The following PRRC2A variants were observed in gnomAD, a reference collection of about 807,000 sequenced individuals.
PRRC2A encodes the protein proline rich coiled-coil 2A, also known as protein PRRC2A.
In PRRC2A, 59 loss-of-function variants were observed where a neutral mutation model predicts 224.6. The ratio of observed to expected loss-of-function variants is 0.26; its 90% CI spans 0.21 to 0.33. PRRC2A has a LOEUF of 0.33. PRRC2A is among the 10% of genes least tolerant of loss of function. The pLI, the probability that PRRC2A is intolerant of heterozygous loss-of-function variation, is 1.00. For missense variants in PRRC2A, 3,095 were observed against 2,880.7 expected, an observed-to-expected ratio of 1.07 and a Z score of -1.70; for synonymous variants, 1,194 against 1,109.5, an observed-to-expected ratio of 1.08 and a Z score of -1.51.
At position 31,629,236 on chromosome 6, in the gene PRRC2A, G is replaced by A. The variant is rs1325818988; in HGVS notation, c.1858G>A (p.Gly620Ser). The A allele has an allele frequency of 1.9e-6, 3 of 1,614,036 alleles. No individual in the cohort carries two copies. The highest frequency in any genetic ancestry group is 3.3e-5 in the Admixed American group (2 of 60,010). The change falls in exon 13 of 31, where the codon GGT becomes AGT. Residue 620 changes from glycine to serine, a missense_variant. Physicochemically the swap from Gly to Ser is moderately conservative, Grantham distance 56. This residue lies in a region of PRRC2A where 2,001 missense variants were observed against 1,764.9 expected (regional missense o/e 1.13). Coordinates refer to ENST00000376033, the MANE Select transcript of PRRC2A (RefSeq NM_004638.4). ...TPPVPKVEPKGDGIGPTRQPP... is the reference protein window; with the variant it reads ...TPPVPKVEPKSDGIGPTRQPP... ...CCCAGTTCCAAAGGTGGAACCCAAG[G>A]GTGATGGGATTGGTCCCACCCGCCA... is the stretch of plus-strand genomic sequence containing the variant.
intron 2 of PRRC2A, 121 bp downstream of exon 2, chr6:31,623,022 C>T: frequency 1.1e-6 from 1 of 891,298 alleles, no homozygotes; most frequent in Non-Finnish European, 1.9e-6. Flanking sequence ...GAGGAGATTT[C>T]CCAACTTTAC....
rs777237044 is a variant in PRRC2A, at chr6:31,627,165, C to T, written c.1257C>T (p.Pro419=). ...KPPLPPPHRG[P]AGNWGPPGDY... ...CCCTACCCCCACCTCACCGGGGCCC[C>T]GCCGGGAACTGGGGCCCCCCTGGGG... Residue 419 remains proline, a synonymous_variant, in exon 11 of 31, where the codon CCC becomes CCT. Coordinates refer to ENST00000376033, the MANE Select transcript of PRRC2A (RefSeq NM_004638.4). This position sits in a 1 kb window ranked among gnomAD's most constrained non-coding sequence, Gnocchi z 5.6. 65 of 1,612,938 alleles carry T rather than the reference C, an allele frequency of 4.0e-5. No homozygotes were observed. Among genetic ancestry groups the T allele is most frequent in the South Asian group, 4.4e-5 (4 of 91,062 alleles).
At position 31,637,220 on chromosome 6, in the gene PRRC2A, C is replaced by T; in HGVS notation, c.6243-14C>T. ...TGGATCCTAGGCTTGCCTTAGACGC[C>T]CTTCTTCCCTTAGGTCCTTCTCTGG... is the stretch of plus-strand genomic sequence containing the variant. On this transcript the variant is annotated splice_polypyrimidine_tract_variant and intron_variant, in intron 29 of 30. Coordinates refer to ENST00000376033, the MANE Select transcript of PRRC2A (RefSeq NM_004638.4). 2 of 1,608,132 alleles carry T rather than the reference C, an allele frequency of 1.2e-6. No individual in the cohort carries two copies. The highest frequency in any genetic ancestry group is 1.3e-5 in the African/African-American group (1 of 74,884).
At chr6:31,629,949 A>T in intron 14 of PRRC2A, 104 bp downstream of exon 14, 1 of 1,528,114 alleles carries the variant, frequency 6.5e-7, no homozygotes, top group Non-Finnish European at 8.8e-7. Context: ...TTTGCCCATC[A>T]TAGTGATGAG....
Position 31,631,355 on chromosome 6 carries a change from G to T in PRRC2A, c.2682G>T (p.Thr894=), listed in dbSNP as rs369126036. ...CTAAGGAGGAGACTGCACAGCTGAC[G>T]GGGCCAGAAGCAGGCCGAAAGCCTG... ...EPPKEETAQL[T]GPEAGRKPAR... Residue 894 remains threonine (T), a synonymous_variant, in exon 16 of 31, where the codon ACG becomes ACT. Coordinates refer to ENST00000376033, the MANE Select transcript of PRRC2A (RefSeq NM_004638.4). The surrounding 1 kb of genome is among the most constrained non-coding windows in gnomAD (Gnocchi z 4.5). 1.9e-6 allele frequency: 3 copies of T among 1,602,086 alleles called. No individual in the cohort carries two copies. The highest frequency in any genetic ancestry group is 1.7e-4 in the Middle Eastern group (1 of 5,992).
Position 31,633,558 on chromosome 6 carries a change from A to T in PRRC2A, c.4499A>T (p.Lys1500Met), listed in dbSNP as rs1177332112. Residue 1500 changes from lysine (K) to methionine (M), a missense_variant, in exon 17 of 31, where the codon AAG (lysine) becomes ATG (methionine). Coordinates refer to ENST00000376033, the MANE Select transcript of PRRC2A (RefSeq NM_004638.4). ...VTAPGGHPRHKPGLPQAPQGP... is the reference protein window; with the variant it reads ...VTAPGGHPRHMPGLPQAPQGP... ...GCACCAGGGGGTCATCCAAGGCACA[A>T]GCCTGGGCTTCCCCAAGCCCCTCAG... 6.2e-7 allele frequency: 1 copy of T among 1,612,894 alleles called. No homozygotes were observed. Among genetic ancestry groups the T allele is most frequent in the Non-Finnish European group, 8.5e-7 (1 of 1,179,952 alleles).
intron 12 of PRRC2A, 87 bp from the exon 13 acceptor site, chr6:31,629,057 G>A (rs1181221165): frequency 2.2e-6 from 3 of 1,337,670 alleles, no homozygotes; most frequent in Non-Finnish European, 3.2e-6. Context: ...TCTTAAGGGA[G>A]CTAGAGATGA....
intron 12 of PRRC2A, 157 bp from the exon 13 acceptor site, chr6:31,628,987 T>C (rs1204414721): frequency 2.7e-6 from 2 of 743,452 alleles, no homozygotes; most frequent in Non-Finnish European, 4.5e-6. Flanking sequence ...CATGAAGTGC[T>C]TTAATGGGTC....
chr6:31,631,360 C>T lies in PRRC2A; in HGVS notation c.2687C>T (p.Pro896Leu). ...GAGGAGACTGCACAGCTGACGGGGC[C>T]AGAAGCAGGCCGAAAGCCTGCCCGC... Reference protein sequence around the residue: ...PKEETAQLTGPEAGRKPARGV... With the variant: ...PKEETAQLTGLEAGRKPARGV... Residue 896 changes from proline to leucine, a missense_variant, in exon 16 of 31, where the codon CCA becomes CTA. Transcript: ENST00000376033. This position sits in a 1 kb window ranked among gnomAD's most constrained non-coding sequence, Gnocchi z 4.5. The T allele has an allele frequency of 6.2e-7, 1 of 1,602,722 alleles. No homozygotes were observed. Among genetic ancestry groups the T allele is most frequent in the Non-Finnish European group, 8.5e-7 (1 of 1,175,888 alleles).
Position 31,636,938 on chromosome 6 carries a change from G to A in PRRC2A, c.6140G>A (p.Arg2047Gln), listed in dbSNP as rs760201975. The A allele has an allele frequency of 8.1e-6, 13 of 1,612,778 alleles. No individual in the cohort carries two copies. Among genetic ancestry groups the A allele is most frequent in the South Asian group, 4.4e-5 (4 of 91,054 alleles). The part of the protein sequence containing the change: ...PARPFPASLG[R>Q]AELHPVELKP... ...AGGCCCTTCCCCGCTAGCTTGGGGC[G>A]AGCAGAGGTAAGGTACAGGAACTGA... Residue 2047 changes from arginine (R) to glutamine (Q), a missense_variant, in exon 28 of 31, where the codon CGA becomes CAA. By Grantham distance (43) the Arg-to-Gln change is conservative. Around this residue, in one of 8 missense-constraint regions of PRRC2A, gnomAD observed 662 missense variants for 609.5 expected, o/e 1.09. Coordinates refer to ENST00000376033, the MANE Select transcript of PRRC2A (RefSeq NM_004638.4). The surrounding 1 kb of genome is among the most constrained non-coding windows in gnomAD (Gnocchi z 4.3).
At position 31,626,064 on chromosome 6, in the gene PRRC2A, T is replaced by C. The variant is rs752850507; in HGVS notation, c.884T>C (p.Met295Thr). Residue 295 changes from methionine to threonine, a missense_variant, in exon 9 of 31, where the codon ATG becomes ACG. By Grantham distance (81) the Met-to-Thr change is moderately conservative (BLOSUM62 -1). Transcript: ENST00000376033. ...GGCCCCCGAGGCTCAGGGCCACCAA[T>C]GCGCTTAGTAGAGCCTGTGGGTCGT... is the stretch of plus-strand genomic sequence containing the variant. Reference protein sequence around the residue: ...VAGPRGSGPPMRLVEPVGRPS... With the variant: ...VAGPRGSGPPTRLVEPVGRPS... 7.4e-6 allele frequency: 12 copies of C among 1,612,164 alleles called. No homozygotes were observed. The highest frequency in any genetic ancestry group is 2.2e-5 in the South Asian group (2 of 91,022).
At position 31,631,394 on chromosome 6, in the gene PRRC2A, G is replaced by A. The variant is rs946627426; in HGVS notation, c.2721G>A (p.Gly907=). The A allele has an allele frequency of 5.0e-6, 8 of 1,607,984 alleles. No individual in the cohort carries two copies. In the African/African-American group the frequency reaches 8.0e-5, roughly 16 times the overall value. Residue 907 remains glycine, a synonymous_variant, in exon 16 of 31, where the codon GGG becomes GGA. Coordinates refer to ENST00000376033, the MANE Select transcript of PRRC2A (RefSeq NM_004638.4). This position sits in a 1 kb window ranked among gnomAD's most constrained non-coding sequence, Gnocchi z 4.5. ...GCCGAAAGCCTGCCCGCGGAGTCGG[G>A]AGTGGAGGCCAGGGCCCCCCACCAC... ...EAGRKPARGV[G]SGGQGPPPPR...
rs756194999 is a variant in PRRC2A at position 31,634,555 on chromosome 6, G to A, written c.4933G>A (p.Glu1645Lys). 5 of 1,611,086 alleles carry A rather than the reference G, an allele frequency of 3.1e-6. No homozygotes were observed. In the South Asian group the frequency reaches 5.5e-5, roughly 18 times the overall value. The change falls in exon 20 of 31, where the codon GAA becomes AAA. Residue 1645 changes from glutamate (E) to lysine (K), a missense_variant and splice_region_variant. Around this residue, in one of 8 missense-constraint regions of PRRC2A, gnomAD observed 2,001 missense variants for 1,764.9 expected, o/e 1.13. Coordinates refer to ENST00000376033, the MANE Select transcript of PRRC2A (RefSeq NM_004638.4). ...LSPFEDVAGT[E>K]MSQSDSGVDL... Reference sequence around the variant, plus strand: ...TCCTTTTGAGGATGTGGCTGGCACAGAAGTGAGTGAGGGTGGGAGGGTGTG... The same window carrying A: ...TCCTTTTGAGGATGTGGCTGGCACAAAAGTGAGTGAGGGTGGGAGGGTGTG...
In PRRC2A at chr6:31,624,336, G is replaced by A. The variant is rs774687454; in HGVS notation, c.366G>A (p.Pro122=). The A allele has an allele frequency of 9.3e-6, 15 of 1,613,942 alleles. No homozygotes were observed. The highest frequency in any genetic ancestry group is 1.0e-5 in the Non-Finnish European group (12 of 1,180,004). ...PASQTPASNQ[P]KRPPAAPENT... ...CACAGACGCCTGCCTCCAACCAGCC[G>A]AAACGACCCCCAGCAGCCCCCGAGG... The change falls in exon 4 of 31, where the codon CCG becomes CCA. Residue 122 remains proline, a synonymous_variant. Coordinates refer to ENST00000376033, the MANE Select transcript of PRRC2A (RefSeq NM_004638.4).
rs1308165888 is a variant in PRRC2A, at chr6:31,637,617, C to T, written c.*31C>T. On this transcript the variant is annotated 3_prime_UTR_variant, in exon 31 of 31. Coordinates refer to ENST00000376033, the MANE Select transcript of PRRC2A (RefSeq NM_004638.4). ...TTCCTCTTGCCCCCTACCCCCGGGG[C>T]TTGTATATAGATTATAAATATATAA... The T allele has an allele frequency of 2.6e-6, 2 of 760,556 alleles. No homozygotes were observed. Among genetic ancestry groups the T allele is most frequent in the South Asian group, 1.8e-5 (1 of 54,926 alleles). The allele number at this position is 760,556 out of a possible 1,614,324, so 47.1% of individuals were successfully genotyped here.
rs17200886 is a variant in PRRC2A, at chr6:31,637,261, C to G, written c.6270C>G (p.Leu2090=). ...GRSFSGLNSR[L]KATPSTYSGV... Reference sequence around the variant, plus strand: ...CCTTCTCTGGCCTCAATTCCCGTCTCAAGGCCACGCCTTCCACCTACAGTG... The same window carrying G: ...CCTTCTCTGGCCTCAATTCCCGTCTGAAGGCCACGCCTTCCACCTACAGTG... Residue 2090 remains leucine, a synonymous_variant, in exon 30 of 31, where the codon CTC becomes CTG. Coordinates refer to ENST00000376033, the MANE Select transcript of PRRC2A (RefSeq NM_004638.4). 218 of 1,612,396 alleles carry G rather than the reference C, an allele frequency of 1.4e-4. No homozygotes were observed. The African/African-American group carries it at 2.4e-3, about 18-fold the overall frequency.
rs1288140903 is a variant in PRRC2A at position 31,632,266 on chromosome 6, C to T, written c.3593C>T (p.Pro1198Leu). The part of the protein sequence containing the change: ...PAKSLAPKKP[P>L]TGPLPPSKEP... ...AAGTCTCTGGCTCCCAAGAAACCTC[C>T]CACAGGCCCTTTGCCACCAAGTAAG... The change falls in exon 16 of 31, where the codon CCC becomes CTC. Residue 1198 changes from proline (P) to leucine (L), a missense_variant. Pro to Leu is a moderately conservative substitution (Grantham distance 98). Around this residue, in one of 8 missense-constraint regions of PRRC2A, gnomAD observed 2,001 missense variants for 1,764.9 expected, o/e 1.13. Transcript: ENST00000376033. 1.2e-6 allele frequency: 2 copies of T among 1,613,042 alleles called. No homozygotes were observed. Among genetic ancestry groups the T allele is most frequent in the African/African-American group, 2.7e-5 (2 of 75,028 alleles).
Position 31,631,423 on chromosome 6 carries a change from G to C in PRRC2A, c.2750G>C (p.Arg917Pro). 1 of 1,610,414 alleles carries C rather than the reference G, an allele frequency of 6.2e-7. No homozygotes were observed. ...GSGGQGPPPP[R>P]RESRTETRWG... ...GGAGGCCAGGGCCCCCCACCACCAC[G>C]CAGAGAGAGTCGCACAGAGACCCGC... Residue 917 changes from arginine (R) to proline (P), a missense_variant, in exon 16 of 31, where the codon CGC becomes CCC. Physicochemically the swap from Arg to Pro is moderately radical, Grantham distance 103 (BLOSUM62 -2). Around this residue, in one of 8 missense-constraint regions of PRRC2A, gnomAD observed 2,001 missense variants for 1,764.9 expected, o/e 1.13. Coordinates refer to ENST00000376033, the MANE Select transcript of PRRC2A (RefSeq NM_004638.4). This position sits in a 1 kb window ranked among gnomAD's most constrained non-coding sequence, Gnocchi z 4.5.
chr6:31,629,342 C>G lies in PRRC2A; in HGVS notation c.1956+8C>G, dbSNP rs1215168039. ...TTCCAGCGGCAGCAGCAGGTGAAAT[C>G]AAGTTGTTTACCCTCTAAGGGCTGC... On this transcript the variant is annotated splice_region_variant and intron_variant, in intron 13 of 30. Transcript: ENST00000376033. 6.4e-7 allele frequency: 1 copy of G among 1,554,000 alleles called. No individual in the cohort carries two copies. Among genetic ancestry groups the G allele is most frequent in the Non-Finnish European group, 8.7e-7 (1 of 1,151,164 alleles).
Sources: gnomAD v4.1 joint callset for allele counts on GRCh38, gnomAD v4.1.1 for gene constraint, gnomAD v4.1.1 regional missense constraint, Gnocchi (gnomAD v3.1) non-coding constraint, MANE v1.5 for transcripts, NCBI Gene and HGNC (gene_info 2026-07-23, HGNC 2026-07-21) for gene names.